The following CELSR1 variants were observed in gnomAD, a reference collection of about 807,000 sequenced individuals.
The protein encoded by CELSR1 is cadherin EGF LAG seven-pass G-type receptor 1.
In CELSR1, 110 loss-of-function variants were observed where a neutral mutation model predicts 249.1. The observed-to-expected ratio is 0.44, with a 90% CI of 0.38 to 0.52. CELSR1 has a LOEUF of 0.52. Among genes scored for constraint, CELSR1 ranks in the 20% least tolerant of loss-of-function variants. CELSR1 has a pLI of 0.00. For synonymous variants in CELSR1, 2,113 were observed against 1,900.0 expected (o/e 1.11, Z -2.92); for missense variants, 4,109 against 4,296.4 (o/e 0.96, Z 1.22).
chr22:46,394,180 G>T lies in CELSR1; in HGVS notation c.5926C>A (p.Pro1976Thr), dbSNP rs780129611. ...CHCAVSKGFD[P>T]DCNKTNGQCQ... ...TGGCCGTTGGTCTTATTACAGTCGG[G>T]ATCAAAGCCTTTGCTGACGGCACAG... The change falls in exon 14 of 35, where the codon CCC (proline) becomes ACC (threonine). Residue 1976 changes from proline to threonine, a missense_variant. Coordinates refer to ENST00000674500, the MANE Select transcript of CELSR1 (RefSeq NM_001378328.1). 26 of 1,614,020 alleles carry T rather than the reference G, an allele frequency of 1.6e-5. No individual in the cohort carries two copies. Among genetic ancestry groups the T allele is most frequent in the Non-Finnish European group, 2.2e-5 (26 of 1,180,002 alleles).
chr22:46,513,042 C>A (rs2080589566), intron 1 of CELSR1, among the ~76,000 whole-genome samples: 1 of 152,218 alleles, frequency 6.6e-6, no homozygotes, highest in Non-Finnish European at 1.5e-5. Flanking sequence ...CCATCCCTCC[C>A]CAGTGGAGTG....
rs1241538597 is a variant in CELSR1 at position 46,447,391 on chromosome 22, T to C, written c.4184-7980A>G. Among the ~76,000 whole-genome samples the C allele has an allele frequency of 6.6e-6, 1 of 152,168 alleles. No homozygotes were observed. Among genetic ancestry groups the C allele is most frequent in the Non-Finnish European group, 1.5e-5 (1 of 68,038 alleles). ...GAATTCTCATTCAAAATAAATTTGA[T>C]GTTCTCCTTACACCCTAGGATTCTG... On this transcript the variant is annotated intron_variant, in intron 2 of 34. Coordinates refer to ENST00000674500, the MANE Select transcript of CELSR1 (RefSeq NM_001378328.1). The surrounding 1 kb of genome is among the most constrained non-coding windows in gnomAD (Gnocchi z 4.7).
chr22:46,363,766 C>G lies in CELSR1; in HGVS notation c.9035+230G>C. Reference sequence around the variant, plus strand: ...TTGGGGCTGGCCAGGGCTTCAGAGTCCCAGAGGCCTGAGACGTGTCCCCAG... The same window carrying G: ...TTGGGGCTGGCCAGGGCTTCAGAGTGCCAGAGGCCTGAGACGTGTCCCCAG... On this transcript the variant is annotated intron_variant, in intron 34 of 34. Transcript: ENST00000674500. The surrounding 1 kb of genome is among the most constrained non-coding windows in gnomAD (Gnocchi z 4.3). The G allele has an allele frequency of 1.7e-6, 1 of 583,990 alleles. No homozygotes were observed. The highest frequency in any genetic ancestry group is 2.5e-5 in the South Asian group (1 of 39,452). 36.2% of individuals were successfully genotyped at this position (583,990 alleles called of 1,614,324 possible). A position where few individuals can be genotyped will look rare whatever the true frequency, so the allele number is the denominator to read the frequency against.
In CELSR1 at chr22:46,367,870, G is replaced by A. The variant is rs1186862256; in HGVS notation, c.7953-15C>T. The A allele has an allele frequency of 1.1e-5, 17 of 1,605,270 alleles. No homozygotes were observed. The East Asian group carries it at 3.1e-4, about 30-fold the overall frequency. Reference sequence around the variant, plus strand: ...TCAGCAGGGAGCTGCGGGAGGGCAGGATCAGGCCTGTGCCCATCGCCACCA... The same window carrying A: ...TCAGCAGGGAGCTGCGGGAGGGCAGAATCAGGCCTGTGCCCATCGCCACCA... On this transcript the variant is annotated splice_polypyrimidine_tract_variant and intron_variant, in intron 27 of 34. Coordinates refer to ENST00000674500, the MANE Select transcript of CELSR1 (RefSeq NM_001378328.1).
intron 2 of CELSR1, among the ~76,000 whole-genome samples, chr22:46,460,199 A>ACCCACACC (rs1555922638): frequency 7.4e-5 from 5 of 67,266 alleles, no homozygotes; most frequent in East Asian, 7.0e-4. Flanking sequence ...ACACACACAC[A>ACCCACACC]CACACACACA....
Position 46,388,507 on chromosome 22 carries a change from G to A in CELSR1, c.6555+783C>T, listed in dbSNP as rs79752239. Among the ~76,000 whole-genome samples the A allele has an allele frequency of 5.6e-3, 853 of 151,704 alleles. 9 individuals carry two copies. Among genetic ancestry groups the A allele is most frequent in the African/African-American group, 0.02 (822 of 41,478 alleles). ...CTGGCGGCCTTATGCAGACTAGAAG[G>A]TTCCATGGGGGCCCTGCATGGACTG... On this transcript the variant is annotated intron_variant, in intron 18 of 34. Coordinates refer to ENST00000674500, the MANE Select transcript of CELSR1 (RefSeq NM_001378328.1).
In CELSR1 at chr22:46,535,306, G is replaced by A. The variant is rs1464977833; in HGVS notation, c.1865C>T (p.Pro622Leu). Residue 622 changes from proline to leucine, a missense_variant, in exon 1 of 35, where the codon CCT becomes CTT. Physicochemically the swap from Pro to Leu is moderately conservative, Grantham distance 98 (BLOSUM62 -3). Coordinates refer to ENST00000674500, the MANE Select transcript of CELSR1 (RefSeq NM_001378328.1). ...LGGGSAGPKN[P>L]APTPDFPFQI... ...GAAGGGGAAGTCAGGGGTGGGGGCA[G>A]GATTCTTAGGCCCAGCGCTGCCGCC... 6.2e-7 allele frequency: 1 copy of A among 1,611,694 alleles called. No individual in the cohort carries two copies. The highest frequency in any genetic ancestry group is 8.5e-7 in the Non-Finnish European group (1 of 1,180,008).
At chr22:46,507,907 C>T (rs1200958369) in intron 1 of CELSR1, among the ~76,000 whole-genome samples, 4 of 152,182 alleles carry the variant, frequency 2.6e-5, no homozygotes, top group African/African-American at 2.4e-5. Flanking sequence ...TCCTCACACC[C>T]CCCTACCTCC....
At chr22:46,532,986 G>A (rs987663314) in intron 1 of CELSR1, among the ~76,000 whole-genome samples, 9 of 152,148 alleles carry the variant, frequency 5.9e-5, no homozygotes, top group Admixed American at 5.2e-4. Context: ...AACTGGGCAG[G>A]CCTCTTCAAC....
At chr22:46,523,962 A>G (rs1259649147) in intron 1 of CELSR1, among the ~76,000 whole-genome samples, 1 of 152,030 alleles carries the variant, frequency 6.6e-6, no homozygotes, top group African/African-American at 2.4e-5. Flanking sequence ...CACCCCCACA[A>G]TCAGGCACCA....
intron 9 of CELSR1, among the ~76,000 whole-genome samples, chr22:46,400,198 T>C (rs9615363): frequency 0.3 from 45,713 of 150,976 alleles, 11,166 homozygotes; most frequent in African/African-American, 0.68. Flanking sequence ...GGTGTGGTGG[T>C]AGGTGCCTGT....
At chr22:46,439,496 A>C (rs1602138852) in intron 2 of CELSR1, 85 bp from the exon 3 acceptor site, 5 of 1,087,846 alleles carry the variant, frequency 4.6e-6, no homozygotes, top group Non-Finnish European at 1.3e-6. Flanking sequence ...CCCTGGACAC[A>C]CCCCAGCCAC....
At chr22:46,476,750 T>C (rs2080212417) in intron 1 of CELSR1, among the ~76,000 whole-genome samples, 1 of 152,016 alleles carries the variant, frequency 6.6e-6, no homozygotes, top group Non-Finnish European at 1.5e-5. Context: ...ACAGAAGCCA[T>C]GCTGGTTGCC....
Position 46,362,207 on chromosome 22 carries a change from C to T in CELSR1, c.*1016G>A, listed in dbSNP as rs1602013234. Reference sequence around the variant, plus strand: ...GGAGCAAAGGACAAAGCCATCCCCACCTGCAGCTCCCGGGCCACCTGGGAG... The same window carrying T: ...GGAGCAAAGGACAAAGCCATCCCCATCTGCAGCTCCCGGGCCACCTGGGAG... On this transcript the variant is annotated 3_prime_UTR_variant, in exon 35 of 35. Coordinates refer to ENST00000674500, the MANE Select transcript of CELSR1 (RefSeq NM_001378328.1). 6.6e-6 allele frequency: 1 copy of T among 152,290 alleles called. No individual in the cohort carries two copies. Among genetic ancestry groups the T allele is most frequent in the African/African-American group, 2.4e-5 (1 of 41,464 alleles). 9.4% of individuals were successfully genotyped at this position (152,290 alleles called of 1,614,324 possible). A position where few individuals can be genotyped will look rare whatever the true frequency, so the allele number is the denominator to read the frequency against.
intron 1 of CELSR1, among the ~76,000 whole-genome samples, chr22:46,508,265 G>A (rs1182446970): frequency 6.8e-6 from 1 of 146,030 alleles, no homozygotes; most frequent in Non-Finnish European, 1.5e-5. Context: ...CGGGACAGAA[G>A]CCAGCCCTGC....
intron 1 of CELSR1, among the ~76,000 whole-genome samples, chr22:46,467,354 G>C (rs894335319): frequency 3.3e-5 from 5 of 152,076 alleles, no homozygotes; most frequent in African/African-American, 9.7e-5. Flanking sequence ...CCATCAGCTG[G>C]GAAATGCACA....
intron 1 of CELSR1, among the ~76,000 whole-genome samples, chr22:46,519,398 T>C (rs1387079304): frequency 2.0e-5 from 3 of 152,228 alleles, no homozygotes; most frequent in African/African-American, 7.2e-5. Flanking sequence ...ACTGGTGGTT[T>C]TGGACCCAAG....
In CELSR1 at chr22:46,527,220, G is replaced by A. The variant is rs997532580; in HGVS notation, c.3544+6407C>T. Among the ~76,000 whole-genome samples the A allele has an allele frequency of 1.3e-5, 2 of 152,090 alleles. No individual in the cohort carries two copies. The highest frequency in any genetic ancestry group is 2.9e-5 in the Non-Finnish European group (2 of 68,024). ...GGGTTCCCGGCACATGGAGCACATC[G>A]GCTGAGATGTGTCTGACCATCTAAG... On this transcript the variant is annotated intron_variant, in intron 1 of 34. Coordinates refer to ENST00000674500, the MANE Select transcript of CELSR1 (RefSeq NM_001378328.1). This position sits in a 1 kb window ranked among gnomAD's most constrained non-coding sequence, Gnocchi z 5.5.
intron 2 of CELSR1, among the ~76,000 whole-genome samples, chr22:46,453,946 G>A (rs973093924): frequency 2.6e-5 from 4 of 152,166 alleles, no homozygotes; most frequent in Admixed American, 1.3e-4. Flanking sequence ...ACCCCAAAAG[G>A]CGTCCACATC....
Sources: allele counts gnomAD v4.1 joint callset (sites outside exome capture counted in the v4.1 genomes callset), GRCh38; gene constraint gnomAD v4.1.1; non-coding constraint Gnocchi (gnomAD v3.1); transcripts MANE v1.5; gene names NCBI Gene and HGNC (gene_info 2026-07-23, HGNC 2026-07-21).